The following SPAG16 variants were observed in gnomAD, a reference collection of about 807,000 sequenced individuals.
SPAG16 encodes sperm associated antigen 16.
SPAG16 carries 86 observed loss-of-function variants against 80.4 expected under a neutral mutation model. The observed-to-expected ratio is 1.07, with a 90% CI of 0.90 to 1.28. SPAG16 has a LOEUF of 1.28. Among genes scored for constraint, SPAG16 ranks in the 50% most tolerant of loss-of-function variants. The pLI is 0.00. For missense variants in SPAG16, 870 were observed against 765.3 expected, an observed-to-expected ratio of 1.14 and a Z score of -1.61; for synonymous variants, 294 against 265.9, an observed-to-expected ratio of 1.11 and a Z score of -1.03.
chr2:213,543,714 T>G (rs536215926), intron 10 of SPAG16, among the ~76,000 whole-genome samples: 9 of 152,114 alleles, frequency 5.9e-5, no homozygotes, highest in Middle Eastern at 6.8e-3. Flanking sequence ...ATTTTCATGT[T>G]GGTATAATGA....
chr2:213,683,611 A>G (rs928852458), intron 10 of SPAG16, among the ~76,000 whole-genome samples: 1 of 152,008 alleles, frequency 6.6e-6, no homozygotes, highest in African/African-American at 2.4e-5. Context: ...ATTATGTTCT[A>G]TGTATTTACT....
At chr2:214,089,510 C>T (rs1392115687) in intron 13 of SPAG16, among the ~76,000 whole-genome samples, 5 of 151,954 alleles carry the variant, frequency 3.3e-5, no homozygotes, top group Non-Finnish European at 7.4e-5. Flanking sequence ...ATACATGCTT[C>T]GGACCTTTCT....
chr2:213,598,092 T>G (rs1400015), intron 10 of SPAG16, among the ~76,000 whole-genome samples: 42,800 of 152,088 alleles, frequency 0.28, 6,850 homozygotes, highest in Middle Eastern at 0.41. Flanking sequence ...TCATCATCTG[T>G]TTTTGGCCAT....
chr2:214,348,605 T>C (rs1698206581), intron 15 of SPAG16, among the ~76,000 whole-genome samples: 2 of 152,154 alleles, frequency 1.3e-5, no homozygotes, highest in Admixed American at 6.5e-5. Context: ...AGAACACCAC[T>C]CTGGAGAAGC....
At chr2:213,643,825 G>C (rs2062719671) in intron 10 of SPAG16, among the ~76,000 whole-genome samples, 1 of 116,890 alleles carries the variant, frequency 8.6e-6, no homozygotes, top group Non-Finnish European at 1.6e-5. Context: ...TTGTTGTCAA[G>C]GCTGGAGTGC....
chr2:213,719,422 T>A (rs965356988), intron 10 of SPAG16, among the ~76,000 whole-genome samples: 1 of 152,212 alleles, frequency 6.6e-6, no homozygotes, highest in African/African-American at 2.4e-5. Context: ...AGAACCTGTG[T>A]GTCGAATCTC....
At chr2:213,343,691 A>G (rs959103778) in intron 6 of SPAG16, among the ~76,000 whole-genome samples, 3 of 152,124 alleles carry the variant, frequency 2.0e-5, no homozygotes, top group African/African-American at 4.8e-5. Flanking sequence ...AAAACATAAT[A>G]TGCAAATGAA....
At chr2:213,890,375 G>C (rs2076741274) in intron 11 of SPAG16, among the ~76,000 whole-genome samples, 1 of 151,876 alleles carries the variant, frequency 6.6e-6, no homozygotes, top group African/African-American at 2.4e-5. Context: ...TTATTTATTT[G>C]CACCAAGAAA....
intron 8 of SPAG16, among the ~76,000 whole-genome samples, chr2:213,371,688 C>T: frequency 8.6e-6 from 1 of 116,276 alleles, no homozygotes; most frequent in South Asian, 3.5e-4. Context: ...TTACTCTAAA[C>T]TTTGGGAAGA....
chr2:213,829,372 G>A (rs1464524905), intron 10 of SPAG16, among the ~76,000 whole-genome samples: 2 of 152,048 alleles, frequency 1.3e-5, no homozygotes, highest in East Asian at 3.9e-4. Context: ...ATGCTGCTAG[G>A]CCTAGGACTC....
At chr2:213,921,016 G>A (rs2078197343) in intron 11 of SPAG16, among the ~76,000 whole-genome samples, 1 of 152,206 alleles carries the variant, frequency 6.6e-6, no homozygotes, top group South Asian at 2.1e-4. Flanking sequence ...TTCCTTTGGA[G>A]TTGTTGGAGG....
At chr2:214,061,962 A>G (rs2050277647) in intron 13 of SPAG16, among the ~76,000 whole-genome samples, 1 of 147,836 alleles carries the variant, frequency 6.8e-6, no homozygotes, top group Non-Finnish European at 1.5e-5. Flanking sequence ...AAAATAGCAT[A>G]CATAATGAAT....
At chr2:214,282,636 GATTA>G (rs926034296) in intron 15 of SPAG16, among the ~76,000 whole-genome samples, 2 of 151,960 alleles carry the variant, frequency 1.3e-5, no homozygotes, top group African/African-American at 4.8e-5. Flanking sequence ...TTTAATTTTT[GATTA>G]ATTTTTTTCT....
At chr2:214,002,648 C>G (rs561404270) in intron 12 of SPAG16, among the ~76,000 whole-genome samples, 2 of 152,228 alleles carry the variant, frequency 1.3e-5, no homozygotes, top group African/African-American at 4.8e-5. Flanking sequence ...GTCTGTGAAC[C>G]AAGGCAGTCA....
At chr2:214,094,966 T>TG (rs1301709236) in intron 13 of SPAG16, among the ~76,000 whole-genome samples, 4 of 151,368 alleles carry the variant, frequency 2.6e-5, no homozygotes, top group African/African-American at 9.8e-5. Context: ...TGAGAGGACT[T>TG]GGGGAGGGGC....
intron 10 of SPAG16, among the ~76,000 whole-genome samples, chr2:213,594,200 G>A (rs2060809145): frequency 6.6e-6 from 1 of 152,130 alleles, no homozygotes; most frequent in Non-Finnish European, 1.5e-5. Context: ...ACCTAGCACA[G>A]ATTTTAGGAG....
chr2:214,380,551 A>G (rs1159513122), intron 15 of SPAG16, among the ~76,000 whole-genome samples: 1 of 152,216 alleles, frequency 6.6e-6, no homozygotes, highest in African/African-American at 2.4e-5. Context: ...AGACCTTGTT[A>G]GAGTCAGTTT....
intron 12 of SPAG16, among the ~76,000 whole-genome samples, chr2:213,990,198 T>C (rs957006093): frequency 2.0e-5 from 3 of 152,126 alleles, no homozygotes; most frequent in Non-Finnish European, 2.9e-5. Context: ...ATAATATCCC[T>C]AGAAATGTGT....
At chr2:213,757,474 A>G (rs909083390) in intron 10 of SPAG16, among the ~76,000 whole-genome samples, 1 of 152,202 alleles carries the variant, frequency 6.6e-6, no homozygotes, top group Admixed American at 6.5e-5. Flanking sequence ...CAGTAGTTAA[A>G]ACATTATGGA....
Sources: allele counts gnomAD v4.1 joint callset (sites outside exome capture counted in the v4.1 genomes callset), GRCh38; gene constraint gnomAD v4.1.1; transcripts MANE v1.5; gene names NCBI Gene and HGNC (gene_info 2026-07-23, HGNC 2026-07-21).